TMEM114: variants seen among roughly 807,000 people sequenced by gnomAD.
TMEM114 encodes transmembrane protein 114.
Under a neutral mutation model 6.2 loss-of-function variants are expected in TMEM114, and 6 were observed. The ratio of observed to expected loss-of-function variants is 0.97; its 90% CI spans 0.53 to 1.91. The LOEUF (loss-of-function observed/expected upper bound fraction) is 1.91. Among genes scored for constraint, TMEM114 ranks in the 40% most tolerant of loss-of-function variants. The pLI is 0.01. For synonymous variants in TMEM114, 104 were observed against 73.0 expected (o/e 1.42, Z -2.16); for missense variants, 218 against 158.3 (o/e 1.38, Z -2.02).
intron 2 of TMEM114, among the ~76,000 whole-genome samples, chr16:8,583,153 G>T (rs113186959): frequency 7.0e-4 from 106 of 152,320 alleles, no homozygotes; most frequent in African/African-American, 2.5e-3. Context: ...CAAGAGCTCA[G>T]AATGGTGTCC....
At chr16:8,561,444 C>A (rs904134562) in intron 2 of TMEM114, among the ~76,000 whole-genome samples, 1 of 152,198 alleles carries the variant, frequency 6.6e-6, no homozygotes, top group East Asian at 1.9e-4. Context: ...TCTGTCATAC[C>A]CGTGCACTCA....
chr16:8,535,073 G>T (rs529646302), downstream of TMEM114, among the ~76,000 whole-genome samples: 1 of 152,252 alleles, frequency 6.6e-6, no homozygotes, highest in Non-Finnish European at 1.5e-5. Context: ...TGGTGGAGGG[G>T]TGTGAGTGGT....
intron 2 of TMEM114, among the ~76,000 whole-genome samples, chr16:8,550,594 C>G (rs1010288256): frequency 6.6e-6 from 1 of 151,708 alleles, no homozygotes; most frequent in Non-Finnish European, 1.5e-5. Flanking sequence ...AGAAGAATTG[C>G]TTGAACCCTG....
chr16:8,544,226 T>G (rs1255862488), intron 2 of TMEM114, among the ~76,000 whole-genome samples: 1 of 152,174 alleles, frequency 6.6e-6, no homozygotes, highest in African/African-American at 2.4e-5. Flanking sequence ...CATGCTGGCT[T>G]TATGTCTTGC....
At chr16:8,552,779 G>T (rs948130783) in intron 2 of TMEM114, among the ~76,000 whole-genome samples, 4 of 150,488 alleles carry the variant, frequency 2.7e-5, no homozygotes, top group Non-Finnish European at 5.9e-5. Flanking sequence ...CAGGGACCCT[G>T]GCCTTCCGCC....
intron 2 of TMEM114, among the ~76,000 whole-genome samples, chr16:8,555,663 C>G (rs1288073641): frequency 1.3e-5 from 2 of 152,202 alleles, no homozygotes; most frequent in Non-Finnish European, 2.9e-5. Flanking sequence ...ACGTCGATGA[C>G]TCCCCATGCA....
At chr16:8,572,336 C>G in intron 2 of TMEM114, 112 bp from the exon 3 acceptor site, 1 of 1,157,406 alleles carries the variant, frequency 8.6e-7, no homozygotes, top group Non-Finnish European at 1.3e-6. Context: ...CACACTGTCA[C>G]TGCCCCTACG....
intron 2 of TMEM114, among the ~76,000 whole-genome samples, chr16:8,557,103 A>G (rs1901037889): frequency 6.6e-6 from 1 of 152,190 alleles, no homozygotes; most frequent in African/African-American, 2.4e-5. Flanking sequence ...TGGCTCTAGC[A>G]GCTCTCCAAT....
intron 2 of TMEM114, among the ~76,000 whole-genome samples, chr16:8,551,241 G>A (rs1198388369): frequency 6.6e-6 from 1 of 152,102 alleles, no homozygotes; most frequent in Non-Finnish European, 1.5e-5. Flanking sequence ...TCATGAGGCA[G>A]GGGAAATGCA....
chr16:8,529,050 C>T, the TMEM114 span, among the ~76,000 whole-genome samples: 2 of 152,174 alleles, frequency 1.3e-5, no homozygotes, highest in Non-Finnish European at 2.9e-5. Flanking sequence ...AAGGCACTCT[C>T]AGAAGAGGGC....
At chr16:8,557,058 A>G (rs1016854695) in intron 2 of TMEM114, among the ~76,000 whole-genome samples, 1 of 152,018 alleles carries the variant, frequency 6.6e-6, no homozygotes, top group East Asian at 1.9e-4. Flanking sequence ...AACAGGATAC[A>G]CTCAGAGAGG....
At chr16:8,562,220 A>ATGAG (rs61728545) in intron 2 of TMEM114, among the ~76,000 whole-genome samples, 118 of 118,462 alleles carry the variant, frequency 1.0e-3, no homozygotes, top group Non-Finnish European at 1.9e-3. Flanking sequence ...GAGTGAGTAA[A>ATGAG]TGAGTGAGTG....
intron 2 of TMEM114, among the ~76,000 whole-genome samples, chr16:8,574,981 G>T (rs376004445): frequency 6.6e-6 from 1 of 152,110 alleles, no homozygotes; most frequent in Non-Finnish European, 1.5e-5. Flanking sequence ...TCCAAGTTCT[G>T]TTCTACTTAG....
At chr16:8,533,564 T>G (rs147902655), downstream of TMEM114, among the ~76,000 whole-genome samples, 693 of 152,356 alleles carry the variant, frequency 4.5e-3, 11 homozygotes, top group African/African-American at 0.016. Context: ...GTAAATGGCA[T>G]GATCTGGTCC....
chr16:8,545,995 G>T (rs769686197), intron 2 of TMEM114, among the ~76,000 whole-genome samples: 13 of 152,092 alleles, frequency 8.5e-5, no homozygotes, highest in Non-Finnish European at 1.6e-4. Context: ...TGTGCCTGTA[G>T]TCCCAGCTGC....
downstream of TMEM114, chr16:8,569,482 A>C: frequency 1.6e-6 from 2 of 1,276,208 alleles, no homozygotes; most frequent in Non-Finnish European, 2.0e-6. Flanking sequence ...AGGACTTTGC[A>C]ATCTGTAAAG....
the TMEM114 span, among the ~76,000 whole-genome samples, chr16:8,531,071 GA>G: frequency 5.3e-5 from 8 of 151,732 alleles, no homozygotes; most frequent in Non-Finnish European, 1.2e-4. Context: ...GAGGAGTGAG[GA>G]AAAAAAGGGA....
chr16:8,537,455 C>G (rs1202401252), downstream of TMEM114: 1 of 152,134 alleles, frequency 6.6e-6, no homozygotes, highest in Non-Finnish European at 1.5e-5. Flanking sequence ...GAGCCAAGAC[C>G]TCACTATTAC....
chr16:8,548,872 T>C (rs1263987970), intron 2 of TMEM114, among the ~76,000 whole-genome samples: 1 of 152,058 alleles, frequency 6.6e-6, no homozygotes. Context: ...AGAGATCCAG[T>C]TGTTGCCTGG....
Sources: allele counts gnomAD v4.1 joint callset (sites outside exome capture counted in the v4.1 genomes callset), GRCh38; gene constraint gnomAD v4.1.1; transcripts MANE v1.5; gene names NCBI Gene and HGNC (gene_info 2026-07-23, HGNC 2026-07-21).